The following NMU variants were observed in gnomAD, a reference collection of about 807,000 sequenced individuals.
NMU encodes neuromedin-U.
A neutral mutation model predicts 35.4 loss-of-function variants in NMU; 29 were observed. That is an observed-to-expected ratio of 0.82 (90% CI 0.61 to 1.12). The LOEUF is 1.12. NMU is among the 50% of genes most tolerant of loss of function. NMU has a pLI of 0.00. For synonymous variants in NMU, 78 were observed against 81.3 expected (o/e 0.96, Z 0.22); for missense variants, 199 against 206.2 (o/e 0.97, Z 0.21).
intron 6 of NMU, 56 bp downstream of exon 6, chr4:55,607,242 G>C: frequency 7.6e-7 from 1 of 1,313,230 alleles, no homozygotes; most frequent in Non-Finnish European, 1.1e-6. Flanking sequence ...TGCAAAAACA[G>C]TTTCATTCTT....
At chr4:55,599,096 T>A in intron 9 of NMU, 46 bp downstream of exon 9, 1 of 1,258,568 alleles carries the variant, frequency 7.9e-7, no homozygotes, top group South Asian at 1.2e-5. Flanking sequence ...AACTGTGAAA[T>A]GCATACTATT....
chr4:55,616,403 G>A lies in NMU; in HGVS notation c.172-18C>T, dbSNP rs1162254154. The A allele has an allele frequency of 3.8e-6, 6 of 1,594,746 alleles. No individual in the cohort carries two copies. The highest frequency in any genetic ancestry group is 1.3e-5 in the African/African-American group (1 of 74,558). On this transcript the variant is annotated intron_variant, in intron 2 of 9. Transcript: ENST00000264218. ...TCATCTATCTGTAGAAAACAAAAATGTCAGTTACATCCTGGGAATGGACAG... is the reference window on the plus strand; with the variant it reads ...TCATCTATCTGTAGAAAACAAAAATATCAGTTACATCCTGGGAATGGACAG...
At chr4:55,603,945 A>C (rs376392136) in intron 7 of NMU, among the ~76,000 whole-genome samples, 1 of 105,576 alleles carries the variant, frequency 9.5e-6, no homozygotes, top group Non-Finnish European at 2.0e-5. Flanking sequence ...ATATATATAT[A>C]TGTATATATG....
At chr4:55,630,670 G>A (rs897934355) in intron 1 of NMU, among the ~76,000 whole-genome samples, 4 of 151,946 alleles carry the variant, frequency 2.6e-5, no homozygotes, top group Non-Finnish European at 2.9e-5. Flanking sequence ...TCTCAAGAAC[G>A]AATTACTTAT....
chr4:55,635,873 C>T (rs1715885328), intron 1 of NMU, among the ~76,000 whole-genome samples: 1 of 152,250 alleles, frequency 6.6e-6, no homozygotes, highest in African/African-American at 2.4e-5. Flanking sequence ...GTATTTCGGC[C>T]CTGGCCGGGC....
chr4:55,598,069 T>C (rs1363219691), intron 9 of NMU, among the ~76,000 whole-genome samples: 1 of 149,754 alleles, frequency 6.7e-6, no homozygotes, highest in Non-Finnish European at 1.5e-5. Context: ...ATTTACTTTG[T>C]TGTTGTTGTT....
At chr4:55,610,845 T>C (rs1031496498) in intron 3 of NMU, among the ~76,000 whole-genome samples, 1 of 152,214 alleles carries the variant, frequency 6.6e-6, no homozygotes, top group South Asian at 2.1e-4. Context: ...AAAACTCCTA[T>C]CATCTAGTCA....
intron 2 of NMU, among the ~76,000 whole-genome samples, chr4:55,617,585 C>G (rs1446231382): frequency 6.6e-6 from 1 of 151,808 alleles, no homozygotes; most frequent in Non-Finnish European, 1.5e-5. Flanking sequence ...AATAAGTGTT[C>G]AACAAAAATC....
intron 2 of NMU, among the ~76,000 whole-genome samples, chr4:55,629,136 A>G (rs561248234): frequency 1.4e-4 from 22 of 152,166 alleles, no homozygotes; most frequent in Non-Finnish European, 2.8e-4. Flanking sequence ...TAACTGGAAA[A>G]CATTTGGAAG....
At chr4:55,604,169 G>A (rs1421924651) in intron 7 of NMU, among the ~76,000 whole-genome samples, 2 of 148,950 alleles carry the variant, frequency 1.3e-5, no homozygotes, top group South Asian at 2.1e-4. Context: ...CGGTTCAAGC[G>A]ATTCTTCTGC....
At chr4:55,605,479 C>A (rs1733643877) in intron 6 of NMU, 130 bp from the exon 7 acceptor site, 2 of 744,530 alleles carry the variant, frequency 2.7e-6, no homozygotes, top group Non-Finnish European at 5.0e-6. Context: ...TTAAAGATGT[C>A]ACCTAAAACA....
chr4:55,611,553 A>G (rs1006795713), intron 3 of NMU, among the ~76,000 whole-genome samples: 15 of 152,134 alleles, frequency 9.9e-5, no homozygotes, highest in African/African-American at 3.4e-4. Context: ...TCACTGACTC[A>G]CCCAAAGCAA....
At position 55,602,321 on chromosome 4, in the gene NMU, A is replaced by G. The variant is rs1733460591; in HGVS notation, c.436-1746T>C. Among the ~76,000 whole-genome samples the G allele has an allele frequency of 2.0e-5, 3 of 152,254 alleles. No individual in the cohort carries two copies. The South Asian group carries it at 6.2e-4, about 32-fold the overall frequency. The stretch of plus-strand genomic sequence containing the variant: ...TATCAAAGATATATTTTAAAATGAG[A>G]TGACTTAGGCCCAGCAAAGCGAACA... On this transcript the variant is annotated intron_variant, in intron 7 of 9. Coordinates refer to ENST00000264218, the MANE Select transcript of NMU (RefSeq NM_006681.4).
At chr4:55,624,193 C>T (rs1734427277) in intron 2 of NMU, among the ~76,000 whole-genome samples, 4 of 143,444 alleles carry the variant, frequency 2.8e-5, no homozygotes. Context: ...TAAAGAGCTT[C>T]TGCACAGCAA....
At chr4:55,606,782 A>G (rs1224068512) in intron 6 of NMU, among the ~76,000 whole-genome samples, 2 of 151,578 alleles carry the variant, frequency 1.3e-5, no homozygotes, top group Non-Finnish European at 2.9e-5. Flanking sequence ...GGTACAAGCA[A>G]TTCTCTTGCC....
intron 2 of NMU, among the ~76,000 whole-genome samples, chr4:55,618,780 T>C (rs1734229945): frequency 2.6e-5 from 4 of 150,952 alleles, no homozygotes; most frequent in Admixed American, 2.6e-4. Flanking sequence ...CTTCTCTTTC[T>C]TTCCCTTTCT....
chr4:55,622,177 TG>T (rs1420949090), intron 2 of NMU, among the ~76,000 whole-genome samples: 1 of 6,940 alleles, frequency 1.4e-4, no homozygotes, highest in African/African-American at 7.2e-4. Flanking sequence ...AGAGCAGAAC[TG>T]AAGGAAATAG....
chr4:55,631,002 A>C (rs1734732429), intron 1 of NMU, among the ~76,000 whole-genome samples: 1 of 152,210 alleles, frequency 6.6e-6, no homozygotes, highest in Non-Finnish European at 1.5e-5. Context: ...ACGGAAAAGA[A>C]TAGAGAACAA....
At chr4:55,598,880 T>C (rs1165198535) in intron 9 of NMU, among the ~76,000 whole-genome samples, 1 of 152,182 alleles carries the variant, frequency 6.6e-6, no homozygotes, top group East Asian at 1.9e-4. Flanking sequence ...TATTGTGACA[T>C]AGTCTGAGGA....
Sources: gnomAD v4.1 joint callset for allele counts (sites outside exome capture counted in the v4.1 genomes callset) on GRCh38, gnomAD v4.1.1 for gene constraint, MANE v1.5 for transcripts, NCBI Gene and HGNC (gene_info 2026-07-23, HGNC 2026-07-21) for gene names.